The following IPPK variants were observed in gnomAD, a reference collection of about 807,000 sequenced individuals.
IPPK encodes the protein IPK1 homolog.
A neutral mutation model predicts 64.6 loss-of-function variants in IPPK; 22 were observed. The ratio of observed to expected loss-of-function variants is 0.34; its 90% CI spans 0.24 to 0.49. The LOEUF (loss-of-function observed/expected upper bound fraction) is 0.49. Ranked by LOEUF, IPPK falls within the 20% of genes least tolerant of loss-of-function variation. The pLI, the probability that IPPK is intolerant of heterozygous loss-of-function variation, is 0.99. For missense variants in IPPK, 532 were observed against 630.7 expected (o/e 0.84, Z 1.68); for synonymous variants, 262 against 247.2 (o/e 1.06, Z -0.56).
intron 11 of IPPK, among the ~76,000 whole-genome samples, chr9:92,634,156 G>C (rs940665757): frequency 1.3e-5 from 2 of 152,224 alleles, no homozygotes; most frequent in Non-Finnish European, 2.9e-5. Flanking sequence ...ACCCCACCAG[G>C]AACGGGCCAG....
At chr9:92,634,615 A>T (rs1368377917) in intron 10 of IPPK, 127 bp from the exon 11 acceptor site, 3 of 674,676 alleles carry the variant, frequency 4.4e-6, no homozygotes, top group Non-Finnish European at 8.0e-6. Flanking sequence ...AACACATAAC[A>T]GATCTATCTC....
Position 92,652,567 on chromosome 9 carries a change from C to G in IPPK, c.292+6G>C. The G allele has an allele frequency of 6.6e-7, 1 of 1,509,692 alleles. No individual in the cohort carries two copies. The allele number at this position is 1,509,692 out of a possible 1,614,324, so 93.5% of individuals were successfully genotyped here. The stretch of plus-strand genomic sequence containing the variant: ...CAAACAATATCTGTAAGTTAAACAC[C>G]CTTACCTGGTCTTTCAGATTGTATC... On this transcript the variant is annotated splice_donor_region_variant and intron_variant, in intron 4 of 12. Transcript: ENST00000287996.
intron 11 of IPPK, among the ~76,000 whole-genome samples, chr9:92,631,320 C>T (rs1383315508): frequency 6.6e-6 from 1 of 151,944 alleles, no homozygotes; most frequent in Non-Finnish European, 1.5e-5. Flanking sequence ...CTCAGCCTCC[C>T]AAGTAGCTGG....
At position 92,613,289 on chromosome 9, in the gene IPPK, G is replaced by A. The variant is rs754492049; in HGVS notation, c.*2543C>T. Reference sequence around the variant, plus strand: ...CTATGCAGTTATGGCACATTATATGGAAACTCTCATGACATGAAAAATAAA... The same window carrying A: ...CTATGCAGTTATGGCACATTATATGAAAACTCTCATGACATGAAAAATAAA... On this transcript the variant is annotated 3_prime_UTR_variant, in exon 13 of 13. Transcript: ENST00000287996. The A allele has an allele frequency of 2.2e-6, 2 of 894,914 alleles. No homozygotes were observed. The highest frequency in any genetic ancestry group is 3.4e-6 in the Non-Finnish European group (2 of 583,658). The allele number at this position is 894,914 out of a possible 1,614,324, so 55.4% of individuals were successfully genotyped here. A position where few individuals can be genotyped will look rare whatever the true frequency, so the allele number is the denominator to read the frequency against.
At chr9:92,658,611 G>C in intron 2 of IPPK, 23 bp downstream of exon 2, 1 of 1,593,588 alleles carries the variant, frequency 6.3e-7, no homozygotes, top group South Asian at 1.1e-5. Context: ...TTGTAAGTCT[G>C]GGTGCAAACC....
At chr9:92,663,008 G>A (rs1245491872) in intron 1 of IPPK, among the ~76,000 whole-genome samples, 1 of 152,162 alleles carries the variant, frequency 6.6e-6, no homozygotes, top group African/African-American at 2.4e-5. Flanking sequence ...CCACAAGGAT[G>A]TCCAACGCAA....
intron 12 of IPPK, chr9:92,619,272 A>AGTT (rs1851545943): frequency 1.8e-6 from 1 of 545,474 alleles, no homozygotes; most frequent in African/African-American, 1.9e-5. Flanking sequence ...AATCCTTTTA[A>AGTT]GTTATTCTCC....
chr9:92,647,292 A>T (rs1490633224), intron 6 of IPPK, among the ~76,000 whole-genome samples: 1 of 152,254 alleles, frequency 6.6e-6, no homozygotes, highest in African/African-American at 2.4e-5. Context: ...TAACAAAGAA[A>T]ATCCCAGGAC....
rs754236498 is a variant in IPPK at position 92,640,795 on chromosome 9, AG to A, written c.564-14del. On this transcript the variant is annotated splice_polypyrimidine_tract_variant and intron_variant, in intron 7 of 12. Transcript: ENST00000287996. ...TCTCTGTTTGTTTCTAAAAGGGAAA[AG>A]CATTAACATGCTTTAAATGCAGCTG... 11 of 1,593,472 alleles carry A rather than the reference AG, an allele frequency of 6.9e-6. No homozygotes were observed. The highest frequency in any genetic ancestry group is 8.6e-6 in the Non-Finnish European group (10 of 1,161,438).
chr9:92,616,416 C>T (rs573702513), intron 12 of IPPK: 1 of 196,932 alleles, frequency 5.1e-6, no homozygotes, highest in East Asian at 1.3e-4. Flanking sequence ...GATGTTCCCC[C>T]AGCCCAGTGG....
intron 11 of IPPK, among the ~76,000 whole-genome samples, chr9:92,626,647 A>G (rs191129807): frequency 7.2e-5 from 11 of 152,320 alleles, no homozygotes; most frequent in Admixed American, 2.6e-4. Flanking sequence ...AGAAGAGAAA[A>G]TATTTGAGAA....
rs1851872512 is a variant in IPPK at position 92,632,979 on chromosome 9, T to TA, written c.1170+1406dup. Among the ~76,000 whole-genome samples, 3 of 151,690 alleles carry TA rather than the reference T, an allele frequency of 2.0e-5. No individual in the cohort carries two copies. In the South Asian group the frequency reaches 6.2e-4, roughly 31 times the overall value. On this transcript the variant is annotated intron_variant, in intron 11 of 12. Coordinates refer to ENST00000287996, the MANE Select transcript of IPPK (RefSeq NM_022755.6). ...TTGTCCTGTAAAGGCTTTGGCAGCC[T>TA]AGTAAAGCCTATGGGCCTCTCTCAG...
chr9:92,648,991 G>A (rs958913242), intron 5 of IPPK, among the ~76,000 whole-genome samples: 2 of 152,240 alleles, frequency 1.3e-5, no homozygotes, highest in African/African-American at 2.4e-5. Context: ...GACAAAGAGA[G>A]CTCCCCAGTC....
intron 7 of IPPK, among the ~76,000 whole-genome samples, chr9:92,642,409 G>T (rs534890109): frequency 6.6e-6 from 1 of 152,376 alleles, no homozygotes; most frequent in Middle Eastern, 3.4e-3. Context: ...AGGAGGGAGA[G>T]ATCAAAGGCA....
intron 8 of IPPK, 126 bp from the exon 9 acceptor site, chr9:92,638,406 T>C: frequency 1.8e-6 from 2 of 1,082,908 alleles, no homozygotes; most frequent in Non-Finnish European, 2.7e-6. Context: ...GTCCACCCAA[T>C]CTGGGGCCGC....
At chr9:92,641,732 C>T (rs1335273494) in intron 7 of IPPK, among the ~76,000 whole-genome samples, 1 of 152,198 alleles carries the variant, frequency 6.6e-6, no homozygotes, top group Non-Finnish European at 1.5e-5. Context: ...ACCAAAAGCA[C>T]TGACATGATG....
rs1160349670 is a variant in IPPK, at chr9:92,649,436, GC to G, written c.414+16del. On this transcript the variant is annotated intron_variant, in intron 5 of 12. Transcript: ENST00000287996. ...CCTTTCCCCTTTACCCACACCATCTGCCCCTCGACAGGTCACCTTAATCTCT... is the reference window on the plus strand; with the variant it reads ...CCTTTCCCCTTTACCCACACCATCTGCCCTCGACAGGTCACCTTAATCTCT... 2 of 1,613,674 alleles carry G rather than the reference GC, an allele frequency of 1.2e-6. No homozygotes were observed. The highest frequency in any genetic ancestry group is 1.3e-5 in the African/African-American group (1 of 74,862).
At chr9:92,634,313 C>T (rs1348206468) in intron 11 of IPPK, 73 bp downstream of exon 11, 1 of 1,120,974 alleles carries the variant, frequency 8.9e-7, no homozygotes, top group Non-Finnish European at 1.3e-6. Flanking sequence ...AAAAAAAATA[C>T]AAAAAACAAA....
intron 1 of IPPK, among the ~76,000 whole-genome samples, chr9:92,660,905 A>G (rs1488262035): frequency 6.6e-6 from 1 of 152,258 alleles, no homozygotes; most frequent in Non-Finnish European, 1.5e-5. Context: ...ATTTTTAAAA[A>G]TAAGTTGCAC....
Sources: allele counts gnomAD v4.1 joint callset (sites outside exome capture counted in the v4.1 genomes callset), GRCh38; gene constraint gnomAD v4.1.1; transcripts MANE v1.5; gene names NCBI Gene and HGNC (gene_info 2026-07-23, HGNC 2026-07-21).